Variants in GLCE observed in about 807,000 individuals in gnomAD.
GLCE encodes the protein glucuronic acid epimerase, also known as D-glucuronyl C5-epimerase.
In GLCE, 19 loss-of-function variants were observed where a neutral mutation model predicts 47.9. The observed-to-expected ratio is 0.40, with a 90% CI of 0.28 to 0.58. The LOEUF (loss-of-function observed/expected upper bound fraction) is 0.58. GLCE is among the 20% of genes least tolerant of loss of function. The pLI, the probability that GLCE is intolerant of heterozygous loss-of-function variation, is 0.48. For synonymous variants in GLCE, 245 were observed against 263.4 expected (o/e 0.93, Z 0.68); for missense variants, 556 against 743.3 (o/e 0.75, Z 2.93).
intron 2 of GLCE, 134 bp from the exon 3 acceptor site, chr15:69,255,660 C>T: frequency 3.7e-6 from 2 of 533,522 alleles, no homozygotes; most frequent in Non-Finnish European, 3.2e-6. Context: ...TTTGAGTTTG[C>T]AATTTTAAAT....
At chr15:69,254,015 A>G (rs1332336191) in intron 2 of GLCE, among the ~76,000 whole-genome samples, 2 of 152,246 alleles carry the variant, frequency 1.3e-5, no homozygotes, top group African/African-American at 2.4e-5. Context: ...AGTAAAAGAA[A>G]TGAATGAATT....
chr15:69,256,155 A>G lies in GLCE; in HGVS notation c.349A>G (p.Ile117Val), dbSNP rs755090621. ...IDCLINDEHTIKGRREGNEVF... is the reference protein window; with the variant it reads ...IDCLINDEHTVKGRREGNEVF... The stretch of plus-strand genomic sequence containing the variant: ...CTGTCTCATAAATGATGAACACACA[A>G]TTAAAGGGAGACGAGAGGGGAACGA... The change falls in exon 3 of 5, where the codon ATT (isoleucine) becomes GTT (valine). Residue 117 changes from isoleucine (I) to valine (V), a missense_variant. By Grantham distance (29) the Ile-to-Val change is conservative. Around this residue, in one of 3 missense-constraint regions of GLCE, gnomAD observed 237 missense variants for 310.9 expected, o/e 0.76. Coordinates refer to ENST00000261858, the MANE Select transcript of GLCE (RefSeq NM_015554.3). 74 of 1,613,964 alleles carry G rather than the reference A, an allele frequency of 4.6e-5. No homozygotes were observed. The highest frequency in any genetic ancestry group is 5.8e-5 in the Non-Finnish European group (68 of 1,179,942).
At chr15:69,259,315 A>C (rs1266114760) in intron 3 of GLCE, among the ~76,000 whole-genome samples, 5 of 152,128 alleles carry the variant, frequency 3.3e-5, no homozygotes, top group African/African-American at 1.2e-4. Flanking sequence ...TTCATTTTAC[A>C]TATGATTTGT....
At chr15:69,211,961 G>A (rs1488698636) in intron 2 of GLCE, among the ~76,000 whole-genome samples, 12 of 151,894 alleles carry the variant, frequency 7.9e-5, no homozygotes, top group East Asian at 5.8e-4. Context: ...GAGGGAATCT[G>A]GAAACTTATC....
At chr15:69,214,227 A>C (rs558016273) in intron 2 of GLCE, among the ~76,000 whole-genome samples, 22 of 152,198 alleles carry the variant, frequency 1.4e-4, no homozygotes, top group South Asian at 1.0e-3. Flanking sequence ...CAGGAGTCAG[A>C]GTTAGGAAAT....
chr15:69,193,584 C>T (rs1360226961), intron 1 of GLCE, among the ~76,000 whole-genome samples: 2 of 151,898 alleles, frequency 1.3e-5, no homozygotes, highest in Non-Finnish European at 2.9e-5. Context: ...TTTTTGTATT[C>T]ACAAAAAATC....
intron 1 of GLCE, among the ~76,000 whole-genome samples, chr15:69,185,328 GT>G (rs1367680346): frequency 6.6e-6 from 1 of 152,170 alleles, no homozygotes; most frequent in Admixed American, 6.5e-5. Context: ...ATAACCAATA[GT>G]TTTTAACCTC....
At chr15:69,197,827 G>T (rs1163521479) in intron 1 of GLCE, among the ~76,000 whole-genome samples, 1 of 152,162 alleles carries the variant, frequency 6.6e-6, no homozygotes, top group Non-Finnish European at 1.5e-5. Flanking sequence ...AGAGTTAAGA[G>T]AGTGGGCTTT....
intron 2 of GLCE, among the ~76,000 whole-genome samples, chr15:69,225,062 G>A (rs747807419): frequency 1.3e-5 from 2 of 152,140 alleles, no homozygotes; most frequent in Non-Finnish European, 2.9e-5. Context: ...AACTATGCTG[G>A]TGGTTCTATG....
chr15:69,222,120 C>T, intron 2 of GLCE, among the ~76,000 whole-genome samples: 1 of 152,212 alleles, frequency 6.6e-6, no homozygotes, highest in East Asian at 1.9e-4. Context: ...GCTGCATGCT[C>T]TAACTCTGGG....
intron 2 of GLCE, among the ~76,000 whole-genome samples, chr15:69,213,317 G>A (rs1295754461): frequency 6.6e-6 from 1 of 151,956 alleles, no homozygotes; most frequent in Non-Finnish European, 1.5e-5. Context: ...ATTACATTTA[G>A]TTGTGTTTTT....
chr15:69,182,262 C>T (rs553058667), intron 1 of GLCE, among the ~76,000 whole-genome samples: 3 of 146,892 alleles, frequency 2.0e-5, no homozygotes, highest in Non-Finnish European at 4.5e-5. Flanking sequence ...TATCAGACAT[C>T]GTGTATTTGT....
At chr15:69,189,059 A>G (rs2051875247) in intron 1 of GLCE, among the ~76,000 whole-genome samples, 1 of 152,184 alleles carries the variant, frequency 6.6e-6, no homozygotes, top group African/African-American at 2.4e-5. Context: ...CATAATTTAC[A>G]TTGGGGTTCA....
chr15:69,211,526 T>C (rs962689855), intron 2 of GLCE, among the ~76,000 whole-genome samples: 1 of 152,054 alleles, frequency 6.6e-6, no homozygotes, highest in East Asian at 1.9e-4. Flanking sequence ...TTGTTTGTGA[T>C]TCCTAAAATT....
intron 2 of GLCE, among the ~76,000 whole-genome samples, chr15:69,218,777 A>G (rs1475169303): frequency 6.6e-6 from 1 of 152,206 alleles, no homozygotes; most frequent in African/African-American, 2.4e-5. Context: ...ATCTAATAAC[A>G]TTACTGATAA....
chr15:69,232,027 G>A (rs1223156147), intron 2 of GLCE, among the ~76,000 whole-genome samples: 1 of 152,120 alleles, frequency 6.6e-6, no homozygotes, highest in African/African-American at 2.4e-5. Flanking sequence ...TCCTAACCTT[G>A]TGATCCATCT....
At chr15:69,224,742 C>T (rs2052422511) in intron 2 of GLCE, among the ~76,000 whole-genome samples, 1 of 152,228 alleles carries the variant, frequency 6.6e-6, no homozygotes, top group South Asian at 2.1e-4. Flanking sequence ...CTTGCTGCAA[C>T]AGTGTTAAGA....
chr15:69,204,559 A>G (rs1002554612), intron 1 of GLCE, among the ~76,000 whole-genome samples: 3 of 152,124 alleles, frequency 2.0e-5, no homozygotes, highest in Admixed American at 6.6e-5. Context: ...TCCTGGGATT[A>G]CAAGCATGAG....
intron 2 of GLCE, among the ~76,000 whole-genome samples, chr15:69,237,742 G>T (rs2052612882): frequency 6.6e-6 from 1 of 152,170 alleles, no homozygotes; most frequent in Admixed American, 6.5e-5. Context: ...ATTCCAGTTT[G>T]CAGGATGGCG....
Sources: gnomAD v4.1 joint callset for allele counts (sites outside exome capture counted in the v4.1 genomes callset) on GRCh38, gnomAD v4.1.1 for gene constraint, gnomAD v4.1.1 regional missense constraint, MANE v1.5 for transcripts, NCBI Gene and HGNC (gene_info 2026-07-23, HGNC 2026-07-21) for gene names.